The following ARMC8 variants were observed in gnomAD, a reference collection of about 807,000 sequenced individuals.
ARMC8 encodes armadillo repeat containing 8.
A neutral mutation model predicts 99.3 loss-of-function variants in ARMC8; 20 were observed. The observed-to-expected ratio is 0.20, with a 90% CI of 0.14 to 0.29. The LOEUF is 0.29. Among genes scored for constraint, ARMC8 ranks in the 10% least tolerant of loss-of-function variants. The pLI is 1.00. For synonymous variants in ARMC8, 263 were observed against 278.3 expected, an observed-to-expected ratio of 0.95 and a Z score of 0.55; for missense variants, 569 against 809.5, an observed-to-expected ratio of 0.70 and a Z score of 3.60.
At chr3:138,204,366 G>A (rs2044246400) in intron 1 of ARMC8, among the ~76,000 whole-genome samples, 2 of 152,112 alleles carry the variant, frequency 1.3e-5, no homozygotes. Flanking sequence ...TTCTCATGCA[G>A]CATCAAATTG....
At chr3:138,188,910 C>T (rs1042239482) in intron 1 of ARMC8, among the ~76,000 whole-genome samples, 3 of 152,110 alleles carry the variant, frequency 2.0e-5, no homozygotes, top group African/African-American at 7.2e-5. Context: ...TAAGGAAATA[C>T]TGTTTACCTA....
Position 138,219,741 on chromosome 3 carries a change from T to G in ARMC8, c.123-2185T>G, listed in dbSNP as rs569835727. ...AAAGCCAAAGCGAGAATCTTTTTCT[T>G]TAGACATTGTTCCATTGTATTGTGT... is the stretch of plus-strand genomic sequence containing the variant. On this transcript the variant is annotated intron_variant, in intron 2 of 21. Coordinates refer to ENST00000469044, the MANE Select transcript of ARMC8 (RefSeq NM_001363941.2). Among the ~76,000 whole-genome samples the G allele has an allele frequency of 2.0e-5, 3 of 152,324 alleles. No individual in the cohort carries two copies. The East Asian group carries it at 5.8e-4, about 29-fold the overall frequency.
chr3:138,207,354 CCTTG>C (rs1233983634), intron 1 of ARMC8, among the ~76,000 whole-genome samples: 1 of 152,126 alleles, frequency 6.6e-6, no homozygotes, highest in Non-Finnish European at 1.5e-5. Flanking sequence ...AGGGACTGTG[CCTTG>C]CTTATCTTCT....
intron 18 of ARMC8, among the ~76,000 whole-genome samples, chr3:138,274,779 C>T (rs2049115519): frequency 6.6e-6 from 1 of 152,194 alleles, no homozygotes; most frequent in South Asian, 2.1e-4. Context: ...ATGCACTGTG[C>T]ACACTGTCCC....
At chr3:138,233,305 G>T (rs2046154668) in intron 6 of ARMC8, among the ~76,000 whole-genome samples, 1 of 152,174 alleles carries the variant, frequency 6.6e-6, no homozygotes. Context: ...GACAAAAACA[G>T]GTTTGCACCA....
chr3:138,230,312 C>T (rs1427701932), intron 6 of ARMC8, among the ~76,000 whole-genome samples: 3 of 152,216 alleles, frequency 2.0e-5, no homozygotes, highest in Non-Finnish European at 2.9e-5. Flanking sequence ...TTATAGCCAG[C>T]CTGGCAAGTT....
At chr3:138,248,839 T>G (rs1303044307) in intron 12 of ARMC8, among the ~76,000 whole-genome samples, 1 of 152,256 alleles carries the variant, frequency 6.6e-6, no homozygotes, top group South Asian at 2.1e-4. Context: ...AACCAGGATG[T>G]TGGTTTTATT....
rs776320900 is a variant in ARMC8 at position 138,271,798 on chromosome 3, C to CTTTTTTTTTTTTTT, written c.1480-1167_1480-1154dup. Among the ~76,000 whole-genome samples the CTTTTTTTTTTTTTT allele has an allele frequency of 5.5e-4, 75 of 136,126 alleles. 2 individuals are homozygous for CTTTTTTTTTTTTTT. The highest frequency in any genetic ancestry group is 2.1e-3 in the African/African-American group (74 of 35,282). 89.3% of individuals were successfully genotyped at this position (136,126 alleles called of 152,430 possible). ...AGTTCACAAGATTTTTTTTTTCTTT[C>CTTTTTTTTTTTTTT]TTTTTTTTTTTTTTTGATACAGAGT... On this transcript the variant is annotated intron_variant, in intron 16 of 21. Coordinates refer to ENST00000469044, the MANE Select transcript of ARMC8 (RefSeq NM_001363941.2).
At chr3:138,194,953 T>C (rs1169502101) in intron 1 of ARMC8, among the ~76,000 whole-genome samples, 1 of 151,894 alleles carries the variant, frequency 6.6e-6, no homozygotes, top group Admixed American at 6.6e-5. Context: ...AAGTACAGGG[T>C]ATGTCAGTAG....
intron 6 of ARMC8, among the ~76,000 whole-genome samples, chr3:138,233,585 T>G (rs2046173983): frequency 6.6e-6 from 1 of 152,216 alleles, no homozygotes. Context: ...TTACAGATTC[T>G]TTTAATAATA....
chr3:138,207,045 CTCTA>C (rs1283148223), intron 1 of ARMC8, among the ~76,000 whole-genome samples: 2 of 152,346 alleles, frequency 1.3e-5, no homozygotes, highest in East Asian at 3.9e-4. Context: ...TGCGGTGCCT[CTCTA>C]TCCTCTGTTC....
chr3:138,240,913 G>A (rs2046580261), intron 10 of ARMC8, among the ~76,000 whole-genome samples: 1 of 152,176 alleles, frequency 6.6e-6, no homozygotes, highest in South Asian at 2.1e-4. Flanking sequence ...AGCCAGGAGT[G>A]GTGGTGGGTG....
At chr3:138,228,016 T>C (rs1255148336) in intron 5 of ARMC8, among the ~76,000 whole-genome samples, 1 of 152,200 alleles carries the variant, frequency 6.6e-6, no homozygotes, top group Non-Finnish European at 1.5e-5. Flanking sequence ...GTCTTGCTCT[T>C]GTCTGTCATC....
intron 13 of ARMC8, 80 bp from the exon 14 acceptor site, chr3:138,264,051 C>T (rs960934808): frequency 7.0e-6 from 9 of 1,293,012 alleles, no homozygotes; most frequent in Admixed American, 3.6e-5. Flanking sequence ...GTACATTAGT[C>T]ATTGTAAAAT....
chr3:138,267,541 G>C (rs1358782732), intron 15 of ARMC8, among the ~76,000 whole-genome samples: 1 of 152,108 alleles, frequency 6.6e-6, no homozygotes, highest in Non-Finnish European at 1.5e-5. Flanking sequence ...CTTACAAATA[G>C]TAAACTATTC....
intron 2 of ARMC8, among the ~76,000 whole-genome samples, chr3:138,216,045 ATT>A (rs755521341): frequency 1.7e-4 from 22 of 128,506 alleles, no homozygotes; most frequent in Admixed American, 2.4e-4. Flanking sequence ...TGCCCAGCTA[ATT>A]TTTTTTTTTT....
chr3:138,273,163 C>T, intron 17 of ARMC8, 47 bp downstream of exon 17: 2 of 1,525,064 alleles, frequency 1.3e-6, no homozygotes, highest in Non-Finnish European at 1.8e-6. Flanking sequence ...CCTGCATATG[C>T]ATTGCAAGAC....
At position 138,190,281 on chromosome 3, in the gene ARMC8, CTTT is replaced by C. The variant is rs141579108; in HGVS notation, c.45+2702_45+2704del. Among the ~76,000 whole-genome samples the C allele has an allele frequency of 5.1e-3, 588 of 114,326 alleles. 1 individual carries two copies. The highest frequency in any genetic ancestry group is 0.02 in the African/African-American group (563 of 27,940). The allele number at this position is 114,326 out of a possible 152,430, so 75.0% of individuals were successfully genotyped here. On this transcript the variant is annotated intron_variant, in intron 1 of 21. Transcript: ENST00000469044. ...GAGTTGAGATTCTTTATTTTCTTAT[CTTT>C]TTTTTTTTTTTTTTTTTTTGAGATG...
At position 138,295,985 on chromosome 3, in the gene ARMC8, T is replaced by A; in HGVS notation, c.*93T>A. The A allele has an allele frequency of 6.3e-6, 9 of 1,420,044 alleles. No individual in the cohort carries two copies. Among genetic ancestry groups the A allele is most frequent in the Non-Finnish European group, 8.8e-6 (9 of 1,026,706 alleles). The allele number at this position is 1,420,044 out of a possible 1,614,324, so 88.0% of individuals were successfully genotyped here. ...ATTTGATTCCTTCTATTTGCACAAG[T>A]CACCTTGGACTGCAGGGAGCTGTTT... On this transcript the variant is annotated 3_prime_UTR_variant, in exon 22 of 22. Transcript: ENST00000469044.
Sources: allele counts gnomAD v4.1 joint callset (sites outside exome capture counted in the v4.1 genomes callset), GRCh38; gene constraint gnomAD v4.1.1; transcripts MANE v1.5; gene names NCBI Gene and HGNC (gene_info 2026-07-23, HGNC 2026-07-21).